Variants in ZNF608 observed in about 807,000 individuals in gnomAD.
ZNF608 encodes the protein renal carcinoma antigen NY-REN-36.
A neutral mutation model predicts 109.0 loss-of-function variants in ZNF608; 12 were observed. The ratio of observed to expected loss-of-function variants is 0.11; its 90% CI spans 0.07 to 0.18. The LOEUF (loss-of-function observed/expected upper bound fraction) is 0.18. ZNF608 is among the 10% of genes least tolerant of loss of function. ZNF608 has a pLI of 1.00. For synonymous variants in ZNF608, 732 were observed against 717.4 expected (o/e 1.02, Z -0.33); for missense variants, 1,707 against 1,879.3 (o/e 0.91, Z 1.70).
chr5:124,740,055 C>A (rs752062243), intron 2 of ZNF608, among the ~76,000 whole-genome samples: 3 of 152,216 alleles, frequency 2.0e-5, no homozygotes, highest in Non-Finnish European at 4.4e-5. Flanking sequence ...TCCCTCCCCC[C>A]ACCGTTTTTT....
chr5:124,637,437 A>G lies in ZNF608; in HGVS notation c.*463T>C, dbSNP rs1002656766. 2.0e-5 allele frequency: 3 copies of G among 152,628 alleles called. No individual in the cohort carries two copies. The highest frequency in any genetic ancestry group is 2.9e-5 in the Non-Finnish European group (2 of 68,048). The allele number at this position is 152,628 out of a possible 1,614,324, so 9.5% of individuals were successfully genotyped here. A position where few individuals can be genotyped will look rare whatever the true frequency, so the allele number is the denominator to read the frequency against. ...CACAGTTAGCCTTTCTGAGGGGCTT[A>G]TGGGAAATATGTGAAGGATATGCAA... is the stretch of plus-strand genomic sequence containing the variant. On this transcript the variant is annotated 3_prime_UTR_variant, in exon 10 of 10. Transcript: ENST00000513986.
At chr5:124,674,135 G>T (rs1751841099) in intron 3 of ZNF608, among the ~76,000 whole-genome samples, 1 of 152,178 alleles carries the variant, frequency 6.6e-6, no homozygotes, top group Middle Eastern at 3.2e-3. Context: ...TTCTCCTGTA[G>T]ATTCTGGTGT....
In ZNF608 at chr5:124,648,571, C is replaced by A. The variant is rs1561535409; in HGVS notation, c.1813G>T (p.Val605Leu). 2 of 1,614,224 alleles carry A rather than the reference C, an allele frequency of 1.2e-6. No homozygotes were observed. The highest frequency in any genetic ancestry group is 1.7e-6 in the Non-Finnish European group (2 of 1,180,050). The change falls in exon 5 of 10, where the codon GTG becomes TTG. Residue 605 changes from valine (V) to leucine (L), a missense_variant. Coordinates refer to ENST00000513986, the MANE Select transcript of ZNF608 (RefSeq NM_020747.3). Reference protein sequence around the residue: ...ISDCEEGLSNVALECSEPSTS... With the variant: ...ISDCEEGLSNLALECSEPSTS... ...CTTGGCTCACTGCATTCAAGTGCCA[C>A]ATTACTCAATCCTTCCTCACAGTCC... is the stretch of plus-strand genomic sequence containing the variant.
intron 2 of ZNF608, among the ~76,000 whole-genome samples, chr5:124,736,585 A>T (rs1489312635): frequency 1.3e-5 from 2 of 152,214 alleles, no homozygotes; most frequent in Non-Finnish European, 1.5e-5. Context: ...AGTTTAAAAA[A>T]AAAAAAGTAC....
At chr5:124,665,034 G>C (rs1561545694) in intron 3 of ZNF608, among the ~76,000 whole-genome samples, 3 of 152,072 alleles carry the variant, frequency 2.0e-5, no homozygotes, top group Admixed American at 6.5e-5. Flanking sequence ...AGTTAGCTGG[G>C]CTTGGTGGTG....
chr5:124,708,433 G>A (rs949738562), intron 2 of ZNF608, among the ~76,000 whole-genome samples: 1 of 152,204 alleles, frequency 6.6e-6, no homozygotes, highest in African/African-American at 2.4e-5. Context: ...TAAAATAGAA[G>A]ATGAGATGGA....
chr5:124,704,365 T>A (rs1009217302), intron 2 of ZNF608, among the ~76,000 whole-genome samples: 2 of 152,058 alleles, frequency 1.3e-5, no homozygotes, highest in Admixed American at 6.6e-5. Context: ...GCACTACCAG[T>A]GAGAGGAGAA....
rs1164591137 is a variant in ZNF608 at position 124,639,223 on chromosome 5, GA to G, written c.4451-10del. On this transcript the variant is annotated splice_polypyrimidine_tract_variant and intron_variant, in intron 8 of 9. Transcript: ENST00000513986. ...GGCAGCAGAGGTCAAGCCTAATGGG[GA>G]AAAAATGTAGAGTGTCTGTGATCTT... 1.2e-6 allele frequency: 2 copies of G among 1,613,632 alleles called. No individual in the cohort carries two copies. Among genetic ancestry groups the G allele is most frequent in the Non-Finnish European group, 8.5e-7 (1 of 1,179,606 alleles).
At chr5:124,677,057 T>C (rs917715982) in intron 3 of ZNF608, among the ~76,000 whole-genome samples, 1 of 152,248 alleles carries the variant, frequency 6.6e-6, no homozygotes, top group Admixed American at 6.5e-5. Flanking sequence ...TTGTTTCTTA[T>C]ATCTTATGCA....
At chr5:124,643,994 G>A (rs1221690178) in intron 6 of ZNF608, among the ~76,000 whole-genome samples, 2 of 152,042 alleles carry the variant, frequency 1.3e-5, no homozygotes, top group East Asian at 3.9e-4. Flanking sequence ...ATTTTTATAG[G>A]CAATAAAGTA....
chr5:124,740,894 CTGTT>C, intron 2 of ZNF608, among the ~76,000 whole-genome samples: 1 of 152,132 alleles, frequency 6.6e-6, no homozygotes, highest in East Asian at 1.9e-4. Flanking sequence ...TACATATAAA[CTGTT>C]TATTTATAAA....
intron 3 of ZNF608, among the ~76,000 whole-genome samples, chr5:124,693,688 T>C (rs1332020156): frequency 6.6e-6 from 1 of 152,188 alleles, no homozygotes; most frequent in Non-Finnish European, 1.5e-5. Context: ...ATTTTTCACA[T>C]TGACAAGAGT....
intron 2 of ZNF608, among the ~76,000 whole-genome samples, chr5:124,713,590 T>A (rs1266158339): frequency 1.3e-5 from 2 of 152,254 alleles, no homozygotes; most frequent in African/African-American, 4.8e-5. Flanking sequence ...TAAAAAATTC[T>A]GTGGAAATTT....
intron 3 of ZNF608, among the ~76,000 whole-genome samples, chr5:124,699,876 C>T (rs1174376108): frequency 2.0e-5 from 3 of 152,158 alleles, no homozygotes; most frequent in African/African-American, 7.2e-5. Flanking sequence ...TATTCCCCAT[C>T]CACTCAGCCA....
At chr5:124,697,876 G>C (rs1303290043) in intron 3 of ZNF608, among the ~76,000 whole-genome samples, 1 of 152,076 alleles carries the variant, frequency 6.6e-6, no homozygotes, top group Non-Finnish European at 1.5e-5. Context: ...TAAAATTCTA[G>C]GATCTTAAAA....
chr5:124,690,943 AC>A (rs61237118), intron 3 of ZNF608, among the ~76,000 whole-genome samples: 9,653 of 112,976 alleles, frequency 0.085, 932 homozygotes, highest in African/African-American at 0.27. Context: ...ACACACACAC[AC>A]ACACACACAC....
At chr5:124,714,169 T>C (rs191559693) in intron 2 of ZNF608, among the ~76,000 whole-genome samples, 2 of 152,344 alleles carry the variant, frequency 1.3e-5, no homozygotes, top group Admixed American at 1.3e-4. Flanking sequence ...GATACGTCTC[T>C]ATTCCCAAAA....
At chr5:124,645,146 TAGG>T (rs1234109188) in intron 5 of ZNF608, among the ~76,000 whole-genome samples, 23 of 152,218 alleles carry the variant, frequency 1.5e-4, no homozygotes, top group African/African-American at 5.3e-4. Context: ...TAACATCACT[TAGG>T]AGGAAAAACT....
At chr5:124,646,090 C>T (rs183486706) in intron 5 of ZNF608, among the ~76,000 whole-genome samples, 3 of 152,274 alleles carry the variant, frequency 2.0e-5, no homozygotes, top group East Asian at 1.9e-4. Context: ...TGGCCAGGCG[C>T]GGTGGCTCAC....
Sources: allele counts gnomAD v4.1 joint callset (sites outside exome capture counted in the v4.1 genomes callset), GRCh38; gene constraint gnomAD v4.1.1; transcripts MANE v1.5; gene names NCBI Gene and HGNC (gene_info 2026-07-23, HGNC 2026-07-21).